Variants in DST observed in about 807,000 individuals in gnomAD.
DST encodes bullous pemphigoid antigen.
A neutral mutation model predicts 875.2 loss-of-function variants in DST; 253 were observed. That is an observed-to-expected ratio of 0.29 (90% CI 0.26 to 0.32). The LOEUF is 0.32. Ranked by LOEUF, DST falls within the 10% of genes least tolerant of loss-of-function variation. The pLI, the probability that DST is intolerant of heterozygous loss-of-function variation, is 1.00. For missense variants in DST, 8,287 were observed against 9,111.6 expected (o/e 0.91, Z 3.68); for synonymous variants, 3,124 against 3,197.1 (o/e 0.98, Z 0.77).
rs140355852 is a variant in DST, at chr6:56,790,299, G to A, written c.626-55010C>T. On this transcript the variant is annotated intron_variant, in intron 4 of 103. Coordinates refer to ENST00000680361, the MANE Select transcript of DST (RefSeq NM_001374736.1). The stretch of plus-strand genomic sequence containing the variant: ...TTATCATGCCCGTTTTACAAAAGAG[G>A]AGATTGAGGCTCAGAGTACATTGGT... Among the ~76,000 whole-genome samples, 529 of 152,278 alleles carry A rather than the reference G, an allele frequency of 3.5e-3. 4 individuals carry two copies. The highest frequency in any genetic ancestry group is 0.012 in the African/African-American group (501 of 41,554).
At chr6:56,804,988 A>AT (rs1158813964) in intron 4 of DST, among the ~76,000 whole-genome samples, 1 of 151,996 alleles carries the variant, frequency 6.6e-6, no homozygotes, top group East Asian at 1.9e-4. Flanking sequence ...TCATTTCCAT[A>AT]TTTTTAATTT....
chr6:56,868,856 A>G (rs962565743), intron 3 of DST, among the ~76,000 whole-genome samples: 9 of 152,196 alleles, frequency 5.9e-5, no homozygotes, highest in African/African-American at 2.2e-4. Flanking sequence ...GAGTTGAAAT[A>G]AGTGAGTCAC....
chr6:56,735,692 T>A (rs1054209600), intron 4 of DST, among the ~76,000 whole-genome samples: 1 of 152,148 alleles, frequency 6.6e-6, no homozygotes, highest in Non-Finnish European at 1.5e-5. Context: ...TTTTGTAGAA[T>A]AAGAAACCAA....
In DST at chr6:56,640,154, C is replaced by G; in HGVS notation, c.2479G>C (p.Asp827His). The change falls in exon 18 of 104, where the codon GAT (aspartate) becomes CAT (histidine). Residue 827 changes from aspartate to histidine, a missense_variant. Around this residue, in one of 10 missense-constraint regions of DST, gnomAD observed 1,160 missense variants for 1,424.3 expected, o/e 0.81. Coordinates refer to ENST00000680361, the MANE Select transcript of DST (RefSeq NM_001374736.1). The part of the protein sequence containing the change: ...KFVQDLLNWV[D>H]EMQVQLDRTE... ...AAACATTTTTTTACCTGCATCTCAT[C>G]AACCCAATTCAAAAGATCCTGAACA... is the stretch of plus-strand genomic sequence containing the variant. 1 of 1,613,996 alleles carries G rather than the reference C, an allele frequency of 6.2e-7. No homozygotes were observed. The highest frequency in any genetic ancestry group is 1.1e-5 in the South Asian group (1 of 91,074).
intron 4 of DST, among the ~76,000 whole-genome samples, chr6:56,745,251 C>A (rs1268742281): frequency 6.6e-6 from 1 of 152,202 alleles, no homozygotes; most frequent in East Asian, 1.9e-4. Context: ...ACTGCAAAGT[C>A]CCACATACAT....
At chr6:56,572,333 A>G in intron 52 of DST, 67 bp from the exon 53 acceptor site, 1 of 1,170,276 alleles carries the variant, frequency 8.5e-7, no homozygotes, top group South Asian at 1.7e-5. Flanking sequence ...TTCCATCCAG[A>G]GGTCTGTGCG....
chr6:56,934,450 A>G (rs896783982), intron 2 of DST, among the ~76,000 whole-genome samples: 1 of 151,038 alleles, frequency 6.6e-6, no homozygotes, highest in African/African-American at 2.4e-5. Context: ...ATTCCAGCAC[A>G]CTGCCTGGAA....
chr6:56,636,279 C>A (rs1169488334), intron 23 of DST, among the ~76,000 whole-genome samples: 1 of 150,840 alleles, frequency 6.6e-6, no homozygotes, highest in African/African-American at 2.4e-5. Context: ...AACACACACA[C>A]ACACACACAT....
intron 3 of DST, 29 bp downstream of exon 3, chr6:56,900,392 A>T (rs377018904): frequency 1.5e-6 from 2 of 1,336,770 alleles, no homozygotes; most frequent in Admixed American, 4.2e-5. Flanking sequence ...TGAATTTAAT[A>T]TTTTTATAAA....
At chr6:56,700,313 C>A (rs1008435243) in intron 8 of DST, among the ~76,000 whole-genome samples, 6 of 152,270 alleles carry the variant, frequency 3.9e-5, no homozygotes, top group Admixed American at 2.6e-4. Flanking sequence ...GACTGCTGTT[C>A]TAGAGCAAGT....
At chr6:56,948,659 A>G (rs1422763757) in intron 2 of DST, among the ~76,000 whole-genome samples, 1 of 152,230 alleles carries the variant, frequency 6.6e-6, no homozygotes, top group East Asian at 1.9e-4. Flanking sequence ...TGTACTTACC[A>G]TACAACCTTC....
intron 4 of DST, among the ~76,000 whole-genome samples, chr6:56,827,254 G>A (rs1039064773): frequency 1.3e-5 from 2 of 152,094 alleles, no homozygotes; most frequent in African/African-American, 4.8e-5. Context: ...GGTGGCTCTC[G>A]CCTGTAATCC....
intron 5 of DST, among the ~76,000 whole-genome samples, chr6:56,720,495 C>T (rs1306296387): frequency 6.6e-6 from 1 of 151,904 alleles, no homozygotes; most frequent in Non-Finnish European, 1.5e-5. Context: ...GGCAGAGGTC[C>T]CTGCGGCCTT....
intron 5 of DST, among the ~76,000 whole-genome samples, chr6:56,732,385 G>A (rs973687210): frequency 5.9e-5 from 9 of 152,082 alleles, no homozygotes; most frequent in Non-Finnish European, 1.3e-4. Flanking sequence ...AAGCTTCTGT[G>A]CCAGAGTTTT....
intron 2 of DST, among the ~76,000 whole-genome samples, chr6:56,949,465 G>C (rs1277718280): frequency 1.3e-5 from 2 of 152,276 alleles, no homozygotes; most frequent in African/African-American, 4.8e-5. Context: ...AGTTCAGTTA[G>C]CATAACAGAA....
intron 90 of DST, among the ~76,000 whole-genome samples, chr6:56,480,007 T>C (rs988042965): frequency 6.6e-6 from 1 of 152,224 alleles, no homozygotes; most frequent in African/African-American, 2.4e-5. Context: ...CTCTGTGACA[T>C]ACCTCCTACT....
chr6:56,651,009 C>T lies in DST; in HGVS notation c.1351G>A (p.Glu451Lys). The part of the protein sequence containing the change: ...PEDVDVSSPD[E>K]KSVITYVSSL... ...GACACGTAAGTTATTACTGATTTTT[C>T]ATCAGGTGAGGAGACATCGACATCT... Residue 451 changes from glutamate to lysine, a missense_variant, in exon 12 of 104, where the codon GAA becomes AAA. Coordinates refer to ENST00000680361, the MANE Select transcript of DST (RefSeq NM_001374736.1). 6.2e-7 allele frequency: 1 copy of T among 1,612,390 alleles called. No homozygotes were observed. Among genetic ancestry groups the T allele is most frequent in the Non-Finnish European group, 8.5e-7 (1 of 1,178,782 alleles).
At chr6:56,763,710 C>CACAA in intron 4 of DST, among the ~76,000 whole-genome samples, 1 of 149,062 alleles carries the variant, frequency 6.7e-6, no homozygotes, top group South Asian at 2.1e-4. Context: ...CACACACACA[C>CACAA]ACACACACAC....
At chr6:56,949,084 G>T (rs368817456) in intron 2 of DST, among the ~76,000 whole-genome samples, 1 of 152,118 alleles carries the variant, frequency 6.6e-6, no homozygotes, top group Non-Finnish European at 1.5e-5. Context: ...AATAATTATT[G>T]TTATTACCCT....
Sources: allele counts gnomAD v4.1 joint callset (sites outside exome capture counted in the v4.1 genomes callset), GRCh38; gene constraint gnomAD v4.1.1; regional missense constraint gnomAD v4.1.1; transcripts MANE v1.5; gene names NCBI Gene and HGNC (gene_info 2026-07-23, HGNC 2026-07-21).